Variants in VEZF1 observed in about 807,000 individuals in gnomAD.
VEZF1 encodes the protein vascular endothelial zinc finger 1, also known as putative transcription factor DB1.
Under a neutral mutation model 44.1 loss-of-function variants are expected in VEZF1, and 5 were observed. The observed-to-expected ratio is 0.11, with a 90% CI of 0.06 to 0.24. VEZF1 has a LOEUF of 0.24. VEZF1 is among the 10% of genes least tolerant of loss of function. The pLI is 1.00. For synonymous variants in VEZF1, 236 were observed against 233.1 expected (o/e 1.01, Z -0.11); for missense variants, 358 against 641.8 (o/e 0.56, Z 4.78).
chr17:57,983,795 T>C (rs2075272418), intron 1 of VEZF1, among the ~76,000 whole-genome samples: 1 of 152,154 alleles, frequency 6.6e-6, no homozygotes, highest in Admixed American at 6.5e-5. Flanking sequence ...AATACACACA[T>C]ACACACTCAC....
intron 2 of VEZF1, among the ~76,000 whole-genome samples, chr17:57,982,484 G>T (rs1201346606): frequency 1.3e-5 from 2 of 151,966 alleles, no homozygotes; most frequent in Non-Finnish European, 2.9e-5. Context: ...CTTGTTAAGT[G>T]AAAAAAACAG....
chr17:57,983,013 T>C lies in VEZF1; in HGVS notation c.414A>G (p.Thr138=). ...LVSTIAGILS[T]VTTSSSGTNP... ...TGGTGCCCGAGGAAGATGTAGTGAC[T>C]GTTGACAAGATGCCTGCAATGGTCG... is the stretch of plus-strand genomic sequence containing the variant. The change falls in exon 2 of 6, where the codon ACA becomes ACG. Residue 138 remains threonine, a synonymous_variant. Coordinates refer to ENST00000581208, the MANE Select transcript of VEZF1 (RefSeq NM_007146.3). 1.2e-6 allele frequency: 2 copies of C among 1,614,198 alleles called. No individual in the cohort carries two copies. Among genetic ancestry groups the C allele is most frequent in the Non-Finnish European group, 1.7e-6 (2 of 1,180,038 alleles).
chr17:57,975,956 G>A (rs1017105747), intron 5 of VEZF1, among the ~76,000 whole-genome samples: 10 of 152,056 alleles, frequency 6.6e-5, no homozygotes, highest in African/African-American at 1.9e-4. Context: ...ATGCCATCAC[G>A]CCCAGCTAAT....
intron 2 of VEZF1, 62 bp downstream of exon 2, chr17:57,982,637 G>T: frequency 2.0e-6 from 3 of 1,485,432 alleles, no homozygotes; most frequent in South Asian, 2.6e-5. Flanking sequence ...ATCACATGGA[G>T]ACAAAACTGA....
chr17:57,982,053 G>T, intron 2 of VEZF1, 117 bp from the exon 3 acceptor site: 3 of 1,060,974 alleles, frequency 2.8e-6, no homozygotes, highest in Non-Finnish European at 4.2e-6. Context: ...AAAGCTAGCA[G>T]AATTACCAAC....
rs11359148 is a variant in VEZF1 at position 57,979,970 on chromosome 17, C to CAA, written c.976+631_976+632dup. ...GGGCAACAGTGTGAAGACTCCGTCT[C>CAA]AAAAAAAAAAAAAAAAAAAAACAAA... On this transcript the variant is annotated intron_variant, in intron 4 of 5. Transcript: ENST00000581208. Among the ~76,000 whole-genome samples, 460 of 67,430 alleles carry CAA rather than the reference C, an allele frequency of 6.8e-3. 2 individuals carry two copies. The highest frequency in any genetic ancestry group is 0.027 in the Middle Eastern group (3 of 110). 44.2% of individuals were successfully genotyped at this position (67,430 alleles called of 152,430 possible).
chr17:57,980,570 T>C (rs2075239798), intron 4 of VEZF1, 33 bp downstream of exon 4: 19 of 1,591,148 alleles, frequency 1.2e-5, no homozygotes, highest in East Asian at 4.5e-5. Flanking sequence ...CCATCTGAAA[T>C]ATAAAAGAAA....
chr17:57,980,508 G>A (rs947078476), intron 4 of VEZF1, 95 bp downstream of exon 4: 8 of 1,242,446 alleles, frequency 6.4e-6, no homozygotes, highest in African/African-American at 4.5e-5. Context: ...GAGGAAACAC[G>A]TAAGGTGAAT....
intron 1 of VEZF1, chr17:57,986,271 A>G (rs2075292712): frequency 6.6e-6 from 1 of 152,244 alleles, no homozygotes. Flanking sequence ...CCAGCTTTCC[A>G]AAGATGTGTT....
chr17:57,982,433 A>G (rs1156654521), intron 2 of VEZF1, among the ~76,000 whole-genome samples: 1 of 152,170 alleles, frequency 6.6e-6, no homozygotes, highest in African/African-American at 2.4e-5. Flanking sequence ...TGCAGTGATA[A>G]GTATCCATGT....
chr17:57,982,168 CTT>C (rs2075255148), intron 2 of VEZF1, among the ~76,000 whole-genome samples: 1 of 152,182 alleles, frequency 6.6e-6, no homozygotes, highest in Admixed American at 6.5e-5. Context: ...CATATTAGGT[CTT>C]GATTCTTTAC....
Position 57,988,216 on chromosome 17 carries a change from G to C in VEZF1, c.-105C>G, listed in dbSNP as rs2143395957. ...GGCGGCGGCGGCGGCGGCAACGGCA[G>C]CGGCGGCTCCTCAACATGGCAGCGC... On this transcript the variant is annotated 5_prime_UTR_variant, in exon 1 of 6. Transcript: ENST00000581208. 4.3e-6 allele frequency: 1 copy of C among 232,584 alleles called. No individual in the cohort carries two copies. Among genetic ancestry groups the C allele is most frequent in the Non-Finnish European group, 8.1e-6 (1 of 122,876 alleles). 14.4% of individuals were successfully genotyped at this position (232,584 alleles called of 1,614,324 possible).
At chr17:57,980,944 ACT>A in intron 3 of VEZF1, 158 bp from the exon 4 acceptor site, 1 of 720,990 alleles carries the variant, frequency 1.4e-6, no homozygotes, top group South Asian at 1.9e-5. Context: ...TCATAATAAA[ACT>A]CTTGATAAAT....
At chr17:57,975,086 T>G (rs1244648848) in intron 5 of VEZF1, among the ~76,000 whole-genome samples, 186 bp from the exon 6 acceptor site, 1 of 152,222 alleles carries the variant, frequency 6.6e-6, no homozygotes, top group Non-Finnish European at 1.5e-5. Flanking sequence ...GGGATCCCAG[T>G]GTATGAATCA....
Position 57,982,975 on chromosome 17 carries a change from C to G in VEZF1, c.452G>C (p.Ser151Thr). ...CACTGGCATAGCTGTGGTGCTGGCA[C>G]TGCTACTGGGGTTGGTGCCCGAGGA... ...TSSSGTNPSSSASTTAMPVTQ... is the reference protein window; with the variant it reads ...TSSSGTNPSSTASTTAMPVTQ... The change falls in exon 2 of 6, where the codon AGT (serine) becomes ACT (threonine). Residue 151 changes from serine (S) to threonine (T), a missense_variant. By Grantham distance (58) the Ser-to-Thr change is moderately conservative (BLOSUM62 1). This residue lies in a region of VEZF1 where 117 missense variants were observed against 207.2 expected (regional missense o/e 0.56). Coordinates refer to ENST00000581208, the MANE Select transcript of VEZF1 (RefSeq NM_007146.3). 1.2e-6 allele frequency: 2 copies of G among 1,614,178 alleles called. No individual in the cohort carries two copies. Among genetic ancestry groups the G allele is most frequent in the Non-Finnish European group, 1.7e-6 (2 of 1,180,032 alleles).
At chr17:57,980,860 G>C in intron 3 of VEZF1, 74 bp from the exon 4 acceptor site, 1 of 1,469,136 alleles carries the variant, frequency 6.8e-7, no homozygotes. Flanking sequence ...GTTATATTCT[G>C]TGCATTACCC....
chr17:57,985,154 G>C, intron 1 of VEZF1: 2 of 666,428 alleles, frequency 3.0e-6, no homozygotes, highest in Non-Finnish European at 4.2e-6. Flanking sequence ...CAGATAATAG[G>C]GAATGCAGAT....
chr17:57,981,792 A>C (rs1326880238), intron 3 of VEZF1, 81 bp downstream of exon 3: 19 of 1,359,544 alleles, frequency 1.4e-5, no homozygotes, highest in Non-Finnish European at 1.8e-5. Context: ...CTATTCAAGA[A>C]TGGTGAGATT....
At chr17:57,976,901 A>AT (rs1204714770) in intron 5 of VEZF1, among the ~76,000 whole-genome samples, 1 of 151,964 alleles carries the variant, frequency 6.6e-6, no homozygotes, top group East Asian at 1.9e-4. Context: ...TCACCAAAGA[A>AT]TTTTTACTCT....
Sources: allele counts gnomAD v4.1 joint callset (sites outside exome capture counted in the v4.1 genomes callset), GRCh38; gene constraint gnomAD v4.1.1; regional missense constraint gnomAD v4.1.1; transcripts MANE v1.5; gene names NCBI Gene and HGNC (gene_info 2026-07-23, HGNC 2026-07-21).